Variants in CA8 observed in about 807,000 individuals in gnomAD.
CA8 encodes carbonic anhydrase 8 (inactive).
CA8 carries 22 observed loss-of-function variants against 41.4 expected under a neutral mutation model. That is an observed-to-expected ratio of 0.53 (90% CI 0.38 to 0.76). The LOEUF (loss-of-function observed/expected upper bound fraction) is 0.76. CA8 is among the 30% of genes least tolerant of loss of function. The pLI is 0.00. For synonymous variants in CA8, 121 were observed against 130.6 expected (o/e 0.93, Z 0.50); for missense variants, 270 against 352.8 (o/e 0.77, Z 1.88).
At chr8:60,206,239 T>A (rs1806574028) in intron 8 of CA8, among the ~76,000 whole-genome samples, 1 of 152,186 alleles carries the variant, frequency 6.6e-6, no homozygotes, top group Admixed American at 6.5e-5. Flanking sequence ...GTACCTAAAT[T>A]GTAATTAACT....
intron 7 of CA8, among the ~76,000 whole-genome samples, chr8:60,212,611 GAGA>G (rs1806875572): frequency 1.3e-5 from 2 of 152,224 alleles, no homozygotes; most frequent in East Asian, 1.9e-4. Flanking sequence ...TAGAAGCAGA[GAGA>G]AGAATGGCAG....
intron 7 of CA8, among the ~76,000 whole-genome samples, chr8:60,213,753 C>T (rs1806920812): frequency 6.6e-6 from 1 of 150,770 alleles, no homozygotes; most frequent in South Asian, 2.1e-4. Flanking sequence ...TTAATTTCAC[C>T]TGTTTCTTTT....
Position 60,219,929 on chromosome 8 carries a change from T to TAAAAAAAAAAAAAA in CA8, c.738+2706_738+2719dup, listed in dbSNP as rs546162939. 1.1e-3 allele frequency among the ~76,000 whole-genome samples: 88 copies of TAAAAAAAAAAAAAA among 82,000 alleles called. 9 individuals are homozygous for TAAAAAAAAAAAAAA. Among genetic ancestry groups the TAAAAAAAAAAAAAA allele is most frequent in the South Asian group, 2.2e-3 (4 of 1,796 alleles). 53.8% of individuals were successfully genotyped at this position (82,000 alleles called of 152,430 possible). A position where few individuals can be genotyped will look rare whatever the true frequency, so the allele number is the denominator to read the frequency against. ...CTCTAGTATTTCCTAAATCTTAACT[T>TAAAAAAAAAAAAAA]AAAAAAAAAAAAAAAAAAAAAAAAC... On this transcript the variant is annotated intron_variant, in intron 7 of 8. Coordinates refer to ENST00000317995, the MANE Select transcript of CA8 (RefSeq NM_004056.6).
intron 3 of CA8, among the ~76,000 whole-genome samples, chr8:60,239,907 T>C (rs956096642): frequency 6.6e-5 from 10 of 152,338 alleles, no homozygotes; most frequent in African/African-American, 2.4e-4. Context: ...TCCACTATGA[T>C]TGTGAGGCCT....
chr8:60,220,893 A>C (rs962494275), intron 7 of CA8, among the ~76,000 whole-genome samples: 1 of 152,052 alleles, frequency 6.6e-6, no homozygotes. Flanking sequence ...CCTTCGCCCT[A>C]TTTTCACTGA....
chr8:60,248,391 C>A (rs1202765708), intron 3 of CA8, among the ~76,000 whole-genome samples: 2 of 152,138 alleles, frequency 1.3e-5, no homozygotes, highest in Non-Finnish European at 2.9e-5. Context: ...TTCAGTTTTA[C>A]ATTTAAGTCT....
intron 8 of CA8, among the ~76,000 whole-genome samples, chr8:60,206,752 C>A (rs1160128514): frequency 6.6e-6 from 1 of 152,072 alleles, no homozygotes; most frequent in African/African-American, 2.4e-5. Flanking sequence ...CTTCCCATTG[C>A]AGCACAGAGA....
intron 3 of CA8, among the ~76,000 whole-genome samples, chr8:60,235,275 A>G (rs1292661271): frequency 6.6e-6 from 1 of 152,066 alleles, no homozygotes; most frequent in Non-Finnish European, 1.5e-5. Flanking sequence ...TTATCTTCAC[A>G]CAGTCTTGCC....
At chr8:60,274,744 A>T (rs1461781624) in intron 2 of CA8, among the ~76,000 whole-genome samples, 1 of 152,120 alleles carries the variant, frequency 6.6e-6, no homozygotes, top group Admixed American at 6.6e-5. Context: ...CAGCAGCTTG[A>T]TATTGGACTT....
chr8:60,232,318 G>C lies in CA8; in HGVS notation c.479C>G (p.Pro160Arg), dbSNP rs556165338. 1.2e-6 allele frequency: 2 copies of C among 1,613,984 alleles called. No homozygotes were observed. Among genetic ancestry groups the C allele is most frequent in the East Asian group, 2.2e-5 (1 of 44,876 alleles). Residue 160 changes from proline to arginine, a missense_variant, in exon 4 of 9, where the codon CCG (proline) becomes CGG (arginine). Physicochemically the swap from Pro to Arg is moderately radical, Grantham distance 103. This residue lies in a region of CA8 where 141 missense variants were observed against 191.6 expected (regional missense o/e 0.74). Transcript: ENST00000317995. Reference sequence around the variant, plus strand: ...CAGAGCAATGATGGCGATTCCGTGCGGCTTCCCCACAGCCTCATCAATGCT... The same window carrying C: ...CAGAGCAATGATGGCGATTCCGTGCCGCTTCCCCACAGCCTCATCAATGCT... ...FGSIDEAVGKPHGIAIIALFV... is the reference protein window; with the variant it reads ...FGSIDEAVGKRHGIAIIALFV...
At chr8:60,214,720 T>G (rs569272397) in intron 7 of CA8, among the ~76,000 whole-genome samples, 1 of 152,196 alleles carries the variant, frequency 6.6e-6, no homozygotes, top group South Asian at 2.1e-4. Context: ...ACTCGGGCTG[T>G]CAGGATGTAA....
At chr8:60,218,503 C>G (rs1807108199) in intron 7 of CA8, among the ~76,000 whole-genome samples, 1 of 151,962 alleles carries the variant, frequency 6.6e-6, no homozygotes, top group South Asian at 2.1e-4. Flanking sequence ...CTCAAAGGAG[C>G]AATTTCACAT....
chr8:60,249,701 G>T (rs1022272201), intron 3 of CA8, among the ~76,000 whole-genome samples: 1 of 152,056 alleles, frequency 6.6e-6, no homozygotes, highest in African/African-American at 2.4e-5. Context: ...TCATTTTACA[G>T]TATCCCCAAA....
At chr8:60,213,956 G>C (rs1806929249) in intron 7 of CA8, among the ~76,000 whole-genome samples, 1 of 152,102 alleles carries the variant, frequency 6.6e-6, no homozygotes, top group Non-Finnish European at 1.5e-5. Context: ...GGTTCTCAAA[G>C]TATCCTCCCA....
chr8:60,221,139 A>G (rs1807230611), intron 7 of CA8, among the ~76,000 whole-genome samples: 1 of 152,118 alleles, frequency 6.6e-6, no homozygotes, highest in East Asian at 1.9e-4. Flanking sequence ...TGAATCCAAA[A>G]CTCTAGGCTT....
rs2130644475 is a variant in CA8, at chr8:60,281,100, C to T, written c.48G>A (p.Lys16=). ...CCTCTTCTTCCTCCTCATCCTCTTC[C>T]TTCTCGGGGAAGGCGACGGTATCTT... is the stretch of plus-strand genomic sequence containing the variant. ...FIEDTVAFPE[K]EEDEEEEEEG... is the part of the protein sequence containing the mutation. The change falls in exon 1 of 9, where the codon AAG becomes AAA. Residue 16 remains lysine (K), a synonymous_variant. Transcript: ENST00000317995. 1 of 1,607,626 alleles carries T rather than the reference C, an allele frequency of 6.2e-7. No homozygotes were observed. The highest frequency in any genetic ancestry group is 1.1e-5 in the South Asian group (1 of 89,970).
intron 5 of CA8, among the ~76,000 whole-genome samples, chr8:60,225,888 C>T (rs1473784952): frequency 6.6e-6 from 1 of 152,152 alleles, no homozygotes; most frequent in East Asian, 1.9e-4. Flanking sequence ...CTTTGCAAGG[C>T]CGAGGTGGGT....
At chr8:60,217,616 T>C (rs910788832) in intron 7 of CA8, among the ~76,000 whole-genome samples, 1 of 152,184 alleles carries the variant, frequency 6.6e-6, no homozygotes, top group Non-Finnish European at 1.5e-5. Flanking sequence ...TTGGATGTCT[T>C]AAAGGCATCT....
chr8:60,276,781 C>T (rs574714659), intron 2 of CA8, among the ~76,000 whole-genome samples: 1 of 152,080 alleles, frequency 6.6e-6, no homozygotes, highest in Non-Finnish European at 1.5e-5. Flanking sequence ...TTTAAGTATA[C>T]AGCGATAATA....
Sources: gnomAD v4.1 joint callset for allele counts (sites outside exome capture counted in the v4.1 genomes callset) on GRCh38, gnomAD v4.1.1 for gene constraint, gnomAD v4.1.1 regional missense constraint, MANE v1.5 for transcripts, NCBI Gene and HGNC (gene_info 2026-07-23, HGNC 2026-07-21) for gene names.